Variants in ZFP92 observed in about 807,000 individuals in gnomAD.
The protein encoded by ZFP92 is zinc finger protein 92 homolog.
ZFP92 carries 2 observed loss-of-function variants against 7.6 expected under a neutral mutation model. That is an observed-to-expected ratio of 0.26 (90% CI 0.11 to 0.83). The LOEUF is 0.83. ZFP92 is among the 40% of genes least tolerant of loss of function. The probability of loss-of-function intolerance (pLI) is 0.65; values close to 1 mark genes in which losing one functional copy is unlikely to be tolerated. For synonymous variants in ZFP92, 226 were observed against 183.6 expected (o/e 1.23, Z -1.87); for missense variants, 324 against 408.3 (o/e 0.79, Z 1.78).
In ZFP92 at chrX:153,418,224, A is replaced by G. The variant is rs782633974; in HGVS notation, c.-18-81A>G. 5 of 1,069,666 alleles carry G rather than the reference A, an allele frequency of 4.7e-6. No homozygotes were observed. In the East Asian group the frequency reaches 1.7e-4, roughly 35 times the overall value. The allele number at this position is 1,069,666 out of a possible 1,213,427, so 88.2% of individuals were successfully genotyped here. ...CTGTGCTTATTTCACAAGAAAAACTAAGCAGGGTCTTCAAGCAGGTCGCAG... is the reference window on the plus strand; with the variant it reads ...CTGTGCTTATTTCACAAGAAAAACTGAGCAGGGTCTTCAAGCAGGTCGCAG... On this transcript the variant is annotated intron_variant, in intron 2 of 5. Coordinates refer to ENST00000338647, the MANE Select transcript of ZFP92 (RefSeq NM_001136273.2).
rs782785901 is a variant in ZFP92, at chrX:153,420,945, C to T, written c.568C>T (p.Arg190Cys). The change falls in exon 6 of 6, where the codon CGC becomes TGC. Residue 190 changes from arginine (R) to cysteine (C), a missense_variant. Arg to Cys is a radical substitution (Grantham distance 180, BLOSUM62 -3). Coordinates refer to ENST00000338647, the MANE Select transcript of ZFP92 (RefSeq NM_001136273.2). ...GTGCCCCGAGTGCGGCAAGCTGTTTCGCCGCAGCTTCGCGCTCCTGGAGCA... is the reference window on the plus strand; with the variant it reads ...GTGCCCCGAGTGCGGCAAGCTGTTTTGCCGCAGCTTCGCGCTCCTGGAGCA... The part of the protein sequence containing the change: ...YACPECGKLF[R>C]RSFALLEHQR... 1.7e-5 allele frequency: 20 copies of T among 1,187,747 alleles called. No individual in the cohort carries two copies. The highest frequency in any genetic ancestry group is 2.0e-5 in the Non-Finnish European group (18 of 884,482).
At position 153,421,372 on chromosome X, in the gene ZFP92, G is replaced by A. The variant is rs781818227; in HGVS notation, c.995G>A (p.Arg332His). 2.6e-6 allele frequency: 3 copies of A among 1,158,899 alleles called. No individual in the cohort carries two copies. The highest frequency in any genetic ancestry group is 3.4e-6 in the Non-Finnish European group (3 of 872,586). ...GAGTGCGGCAAGGCCTTCCGTGGCC[G>A]TTCGGGCCTCAGCCAGCACCGGCGC... is the stretch of plus-strand genomic sequence containing the variant. ...CRECGKAFRG[R>H]SGLSQHRRVH... The change falls in exon 6 of 6, where the codon CGT becomes CAT. Residue 332 changes from arginine (R) to histidine (H), a missense_variant. Transcript: ENST00000338647.
At chrX:153,417,995 G>A (rs961944754) in intron 2 of ZFP92, among the ~76,000 whole-genome samples, 7 of 112,182 alleles carry the variant, frequency 6.2e-5, no homozygotes, top group South Asian at 3.7e-4. Context: ...CGAAAATGGC[G>A]AGAAAGGGGC....
At chrX:153,419,297 G>A (rs782470066) in intron 4 of ZFP92, among the ~76,000 whole-genome samples, 1 of 112,669 alleles carries the variant, frequency 8.9e-6, no homozygotes, top group Non-Finnish European at 1.9e-5. Context: ...AGGAGCTGGG[G>A]CAGCTTGGAG....
chrX:153,417,582 G>A (rs2088963171), intron 2 of ZFP92, among the ~76,000 whole-genome samples: 1 of 112,124 alleles, frequency 8.9e-6, no homozygotes, highest in South Asian at 3.7e-4. Flanking sequence ...GTTGGGGTCA[G>A]GGGACGCTGG....
At position 153,411,676 on chromosome X, in the gene ZFP92, G is replaced by A. The variant is rs3747469; in HGVS notation, c.-95G>A. Among the ~76,000 whole-genome samples the A allele has an allele frequency of 0.32, 36,140 of 112,136 alleles. 4,785 individuals are homozygous for A. Among genetic ancestry groups the A allele is most frequent in the Non-Finnish European group, 0.42 (22,251 of 52,769 alleles). ...CCTGCCGGGAGCAGGAAGGGAGGCC[G>A]ACTCCCTCGGCTGCCCGCCGAGCCC... On this transcript the variant is annotated 5_prime_UTR_variant, in exon 1 of 6. Coordinates refer to ENST00000338647, the MANE Select transcript of ZFP92 (RefSeq NM_001136273.2).
intron 2 of ZFP92, among the ~76,000 whole-genome samples, chrX:153,417,734 G>C (rs1556974035): frequency 8.9e-6 from 1 of 112,122 alleles, no homozygotes; most frequent in African/African-American, 3.2e-5. Context: ...TCCTGGGTTT[G>C]AATGGTGCCC....
intron 4 of ZFP92, 92 bp downstream of exon 4, chrX:153,418,891 C>G: frequency 9.4e-7 from 1 of 1,068,872 alleles, no homozygotes; most frequent in Non-Finnish European, 1.2e-6. Context: ...TTGTCGGTTG[C>G]TATGAGCCCA....
intron 2 of ZFP92, 123 bp from the exon 3 acceptor site, chrX:153,418,182 A>G (rs782389994): frequency 1.7e-5 from 13 of 774,848 alleles, no homozygotes; most frequent in Non-Finnish European, 2.5e-5. Context: ...CAGGAGTGAG[A>G]ACACCACAGG....
In ZFP92 at chrX:153,425,717, G is replaced by C. The variant is rs1417693559; in HGVS notation, c.*4089G>C. ...ACCAGGGCCCCAGCCACGTGTCTCAGGGGCTCCCACTTGCCATGGGACTCG... is the reference window on the plus strand; with the variant it reads ...ACCAGGGCCCCAGCCACGTGTCTCACGGGCTCCCACTTGCCATGGGACTCG... On this transcript the variant is annotated 3_prime_UTR_variant, in exon 6 of 6. Transcript: ENST00000338647. 2 of 111,438 alleles carry C rather than the reference G, an allele frequency of 1.8e-5. No homozygotes were observed. The highest frequency in any genetic ancestry group is 1.9e-5 in the Non-Finnish European group (1 of 53,014). 9.2% of individuals were successfully genotyped at this position (111,438 alleles called of 1,213,427 possible). A position where few individuals can be genotyped will look rare whatever the true frequency, so the allele number is the denominator to read the frequency against.
Position 153,422,720 on chromosome X carries a change from C to T in ZFP92, c.*1092C>T, listed in dbSNP as rs1453380621. On this transcript the variant is annotated 3_prime_UTR_variant, in exon 6 of 6. Coordinates refer to ENST00000338647, the MANE Select transcript of ZFP92 (RefSeq NM_001136273.2). ...GCAAGCCCAGGAACGAATCTTTCAT[C>T]GAATGTCTTTTGCGTGACATTTTGT... The T allele has an allele frequency of 6.2e-5, 7 of 112,935 alleles. No homozygotes were observed. Among genetic ancestry groups the T allele is most frequent in the African/African-American group, 1.6e-4 (5 of 31,053 alleles). 9.3% of individuals were successfully genotyped at this position (112,935 alleles called of 1,213,427 possible). A position where few individuals can be genotyped will look rare whatever the true frequency, so the allele number is the denominator to read the frequency against.
intron 2 of ZFP92, among the ~76,000 whole-genome samples, chrX:153,415,361 T>G (rs1556973580): frequency 8.9e-6 from 1 of 112,800 alleles, no homozygotes; most frequent in Non-Finnish European, 1.9e-5. Context: ...CTTTCAAGTC[T>G]GCATCTGGCT....
At chrX:153,414,789 TC>T (rs1261094967) in intron 2 of ZFP92, among the ~76,000 whole-genome samples, 4 of 100,369 alleles carry the variant, frequency 4.0e-5, no homozygotes, top group African/African-American at 1.5e-4. Flanking sequence ...TCACTCCCCA[TC>T]CCCCCACCCC....
rs1451679964 is a variant in ZFP92 at position 153,423,916 on chromosome X, C to T, written c.*2288C>T. On this transcript the variant is annotated 3_prime_UTR_variant, in exon 6 of 6. Coordinates refer to ENST00000338647, the MANE Select transcript of ZFP92 (RefSeq NM_001136273.2). ...ATGCAATTGGGCTCTAGTCTTGCTT[C>T]ATTCAACTGAACCAGGAAAGAAACA... The T allele has an allele frequency of 8.8e-6, 1 of 113,404 alleles. No individual in the cohort carries two copies. Among genetic ancestry groups the T allele is most frequent in the East Asian group, 2.8e-4 (1 of 3,634 alleles). 9.3% of individuals were successfully genotyped at this position (113,404 alleles called of 1,213,427 possible). A position where few individuals can be genotyped will look rare whatever the true frequency, so the allele number is the denominator to read the frequency against.
At chrX:153,412,867 G>A (rs1185766942) in intron 2 of ZFP92, among the ~76,000 whole-genome samples, 1 of 112,298 alleles carries the variant, frequency 8.9e-6, no homozygotes, top group Non-Finnish European at 1.9e-5. Context: ...CCCTCAGCGA[G>A]CAGCCTGGGT....
chrX:153,421,606 C>G lies in ZFP92; in HGVS notation c.1229C>G (p.Pro410Arg). 5 of 1,000,727 alleles carry G rather than the reference C, an allele frequency of 5.0e-6. No individual in the cohort carries two copies. The highest frequency in any genetic ancestry group is 6.3e-6 in the Non-Finnish European group (5 of 795,765). 82.5% of individuals were successfully genotyped at this position (1,000,727 alleles called of 1,213,427 possible). The stretch of plus-strand genomic sequence containing the variant: ...CCGCGGCCGAGCACAGCCGCCAGGC[C>G]TTCCAGGCCCAGCCGCCGCTGACTC... ...SPPRPSTAAR[P>R]SRPSRR The change falls in exon 6 of 6, where the codon CCT becomes CGT. Residue 410 changes from proline to arginine, a missense_variant. Coordinates refer to ENST00000338647, the MANE Select transcript of ZFP92 (RefSeq NM_001136273.2).
chrX:153,419,080 A>G (rs1556974439), intron 4 of ZFP92, among the ~76,000 whole-genome samples: 3 of 112,876 alleles, frequency 2.7e-5, no homozygotes, highest in African/African-American at 9.7e-5. Flanking sequence ...TGGATCGACT[A>G]AAGGTCTTTC....
In ZFP92 at chrX:153,425,688, T is replaced by C. The variant is rs1030217220; in HGVS notation, c.*4060T>C. The C allele has an allele frequency of 6.3e-5, 7 of 111,276 alleles. No individual in the cohort carries two copies. Among genetic ancestry groups the C allele is most frequent in the African/African-American group, 2.3e-4 (7 of 30,595 alleles). The allele number at this position is 111,276 out of a possible 1,213,427, so 9.2% of individuals were successfully genotyped here. A position where few individuals can be genotyped will look rare whatever the true frequency, so the allele number is the denominator to read the frequency against. ...GAGGCAACATGAGAGGGGACGTCTTTGACACCAGGGCCCCAGCCACGTGTC... is the reference window on the plus strand; with the variant it reads ...GAGGCAACATGAGAGGGGACGTCTTCGACACCAGGGCCCCAGCCACGTGTC... On this transcript the variant is annotated 3_prime_UTR_variant, in exon 6 of 6. Coordinates refer to ENST00000338647, the MANE Select transcript of ZFP92 (RefSeq NM_001136273.2).
At chrX:153,417,367 A>T in intron 2 of ZFP92, among the ~76,000 whole-genome samples, 2 of 112,160 alleles carry the variant, frequency 1.8e-5, no homozygotes, top group African/African-American at 6.5e-5. Flanking sequence ...TCTCTTTGCC[A>T]CTTGCAGCCT....
Sources: gnomAD v4.1 joint callset for allele counts (sites outside exome capture counted in the v4.1 genomes callset) on GRCh38, gnomAD v4.1.1 for gene constraint, MANE v1.5 for transcripts, NCBI Gene and HGNC (gene_info 2026-07-23, HGNC 2026-07-21) for gene names.